Variants in MICU3 observed in about 807,000 individuals in gnomAD.
The protein encoded by MICU3 is mitochondrial calcium uptake 3, also known as calcium uptake protein 3, mitochondrial.
MICU3 carries 62 observed loss-of-function variants against 66.5 expected under a neutral mutation model. That is an observed-to-expected ratio of 0.93 (90% CI 0.76 to 1.15). The LOEUF (loss-of-function observed/expected upper bound fraction) is 1.15. Among genes scored for constraint, MICU3 ranks in the 50% most tolerant of loss-of-function variants. The pLI, the probability that MICU3 is intolerant of heterozygous loss-of-function variation, is 0.00. For synonymous variants in MICU3, 308 were observed against 240.7 expected, an observed-to-expected ratio of 1.28 and a Z score of -2.59; for missense variants, 779 against 664.4, an observed-to-expected ratio of 1.17 and a Z score of -1.90.
At chr8:17,079,228 G>A (rs1820824502) in intron 4 of MICU3, among the ~76,000 whole-genome samples, 1 of 151,776 alleles carries the variant, frequency 6.6e-6, no homozygotes, top group South Asian at 2.1e-4. Context: ...GTCTCTTATG[G>A]TAGCTACTAG....
intron 1 of MICU3, among the ~76,000 whole-genome samples, chr8:17,061,254 G>C (rs903008491): frequency 6.6e-6 from 1 of 152,136 alleles, no homozygotes; most frequent in Non-Finnish European, 1.5e-5. Flanking sequence ...GTCAGCATTA[G>C]CTCAAAGAAG....
At chr8:17,066,127 TTTAA>T (rs1395731906) in intron 2 of MICU3, among the ~76,000 whole-genome samples, 1 of 152,118 alleles carries the variant, frequency 6.6e-6, no homozygotes, top group African/African-American at 2.4e-5. Flanking sequence ...ATCCTTTTTA[TTTAA>T]TCCATTTGGT....
Position 17,090,573 on chromosome 8 carries a change from C to T in MICU3, c.877C>T (p.Pro293Ser). The change falls in exon 8 of 15, where the codon CCT becomes TCT. Residue 293 changes from proline to serine, a missense_variant. Pro to Ser is a moderately conservative substitution (Grantham distance 74). Coordinates refer to ENST00000318063, the MANE Select transcript of MICU3 (RefSeq NM_181723.3). ...TCTTCAACTTTATGGATACCATTCT[C>T]CTACTAATAGTGTATGTACAATACT... ...LRLQLYGYHSPTNSVLKTDAE... is the reference protein window; with the variant it reads ...LRLQLYGYHSSTNSVLKTDAE... 2 of 1,610,226 alleles carry T rather than the reference C, an allele frequency of 1.2e-6. No homozygotes were observed. The highest frequency in any genetic ancestry group is 2.2e-5 in the East Asian group (1 of 44,720).
intron 6 of MICU3, among the ~76,000 whole-genome samples, chr8:17,085,899 C>G (rs1799419620): frequency 6.6e-6 from 1 of 152,212 alleles, no homozygotes; most frequent in Non-Finnish European, 1.5e-5. Context: ...ACTTCACATA[C>G]CCTGCTTCCA....
At chr8:17,060,060 C>T (rs1368427175) in intron 1 of MICU3, among the ~76,000 whole-genome samples, 1 of 152,018 alleles carries the variant, frequency 6.6e-6, no homozygotes, top group African/African-American at 2.4e-5. Flanking sequence ...GTTTTAATGT[C>T]AAAACATATT....
intron 3 of MICU3, among the ~76,000 whole-genome samples, chr8:17,077,306 A>G (rs966198807): frequency 6.6e-6 from 1 of 152,172 alleles, no homozygotes; most frequent in Non-Finnish European, 1.5e-5. Flanking sequence ...CCTTTCTAAC[A>G]TAATTCTTTG....
At chr8:17,084,584 C>G (rs923876922) in intron 5 of MICU3, among the ~76,000 whole-genome samples, 1 of 151,992 alleles carries the variant, frequency 6.6e-6, no homozygotes, top group African/African-American at 2.4e-5. Flanking sequence ...TTTCTTCTGT[C>G]CAAGTTTTCT....
chr8:17,111,496 A>AGG (rs1802204225), intron 11 of MICU3, among the ~76,000 whole-genome samples: 1 of 151,900 alleles, frequency 6.6e-6, no homozygotes. Flanking sequence ...TAATTTTGAT[A>AGG]GTGTTCTTTA....
At chr8:17,105,694 C>T (rs1801681656) in intron 11 of MICU3, 110 bp downstream of exon 11, 2 of 551,384 alleles carry the variant, frequency 3.6e-6, no homozygotes, top group South Asian at 7.3e-5. Context: ...TAAAAGATAT[C>T]TTGGATGTGT....
At chr8:17,107,427 G>C (rs1278307131) in intron 11 of MICU3, among the ~76,000 whole-genome samples, 1 of 152,116 alleles carries the variant, frequency 6.6e-6, no homozygotes, top group African/African-American at 2.4e-5. Flanking sequence ...TAAGTGGACA[G>C]GAAAATTGTA....
intron 2 of MICU3, 94 bp from the exon 3 acceptor site, chr8:17,069,594 T>G: frequency 2.9e-6 from 2 of 699,562 alleles, no homozygotes; most frequent in Non-Finnish European, 4.5e-6. Flanking sequence ...CATAAAAGTT[T>G]GGTTATGAGT....
chr8:17,128,396 T>G, the MICU3 span, among the ~76,000 whole-genome samples: 1 of 152,110 alleles, frequency 6.6e-6, no homozygotes, highest in Non-Finnish European at 1.5e-5. Context: ...CAACAATACA[T>G]TTAGACTGCA....
chr8:17,031,018 G>C (rs1811939994), intron 1 of MICU3, among the ~76,000 whole-genome samples: 1 of 151,910 alleles, frequency 6.6e-6, no homozygotes, highest in Non-Finnish European at 1.5e-5. Flanking sequence ...AATGTGGTTA[G>C]GGGAAGAAGA....
intron 2 of MICU3, among the ~76,000 whole-genome samples, chr8:17,068,938 C>G (rs549594597): frequency 6.6e-6 from 1 of 152,130 alleles, no homozygotes; most frequent in East Asian, 1.9e-4. Flanking sequence ...AATTCTTAGG[C>G]AGGCATTAAA....
At chr8:17,119,991 T>C (rs1273032651) in intron 14 of MICU3, among the ~76,000 whole-genome samples, 6 of 152,154 alleles carry the variant, frequency 3.9e-5, no homozygotes, top group African/African-American at 1.4e-4. Context: ...GTCTGGTATG[T>C]CCACACAGGT....
chr8:17,069,746 C>T (rs369103171), intron 3 of MICU3, 27 bp downstream of exon 3: 39 of 1,377,490 alleles, frequency 2.8e-5, no homozygotes, highest in Non-Finnish European at 3.5e-5. Flanking sequence ...GGTAGATATA[C>T]ACAAATTTTA....
At chr8:17,130,755 A>G in the MICU3 span, among the ~76,000 whole-genome samples, 1 of 152,168 alleles carries the variant, frequency 6.6e-6, no homozygotes, top group African/African-American at 2.4e-5. Flanking sequence ...TGGCTAACCC[A>G]TAACGCAGGA....
chr8:17,081,819 C>G (rs778755220), intron 5 of MICU3, 79 bp downstream of exon 5: 4 of 674,874 alleles, frequency 5.9e-6, no homozygotes, highest in Non-Finnish European at 1.0e-5. Context: ...CTTAGGTTCT[C>G]TTACTCTTGA....
the MICU3 span, chr8:17,132,479 A>T: frequency 1.3e-5 from 2 of 152,180 alleles, no homozygotes; most frequent in Non-Finnish European, 2.9e-5. Context: ...ATGGAGTACT[A>T]ATATACACCC....
Sources: allele counts gnomAD v4.1 joint callset (sites outside exome capture counted in the v4.1 genomes callset), GRCh38; gene constraint gnomAD v4.1.1; transcripts MANE v1.5; gene names NCBI Gene and HGNC (gene_info 2026-07-23, HGNC 2026-07-21).